The following MAML2 variants were observed in gnomAD, a reference collection of about 807,000 sequenced individuals.
The protein encoded by MAML2 is mastermind like transcriptional coactivator 2.
Under a neutral mutation model 96.1 loss-of-function variants are expected in MAML2, and 22 were observed. That is an observed-to-expected ratio of 0.23 (90% CI 0.16 to 0.33). MAML2 has a LOEUF of 0.33. Ranked by LOEUF, MAML2 falls within the 10% of genes least tolerant of loss-of-function variation. The probability of loss-of-function intolerance (pLI) is 1.00; values close to 1 mark genes in which losing one functional copy is unlikely to be tolerated. For synonymous variants in MAML2, 561 were observed against 521.3 expected (o/e 1.08, Z -1.04); for missense variants, 1,367 against 1,392.4 (o/e 0.98, Z 0.29).
At chr11:96,149,691 G>A (rs540633885) in intron 1 of MAML2, among the ~76,000 whole-genome samples, 74 of 152,228 alleles carry the variant, frequency 4.9e-4, no homozygotes, top group African/African-American at 1.7e-3. Context: ...CTGAGATCAC[G>A]CCACTGCACT....
chr11:96,247,614 AAAAC>A (rs1361547401), intron 1 of MAML2, among the ~76,000 whole-genome samples: 3 of 152,188 alleles, frequency 2.0e-5, no homozygotes, highest in Admixed American at 2.0e-4. Context: ...ATGGTGAAGA[AAAAC>A]AAACTCAGCA....
At chr11:96,308,750 A>AT (rs1863499740) in intron 1 of MAML2, among the ~76,000 whole-genome samples, 1 of 152,162 alleles carries the variant, frequency 6.6e-6, no homozygotes, top group Non-Finnish European at 1.5e-5. Context: ...AATAATGTAT[A>AT]TTTTTTAGTT....
At chr11:96,159,404 A>ATTTTTTTTT (rs1157893034) in intron 1 of MAML2, among the ~76,000 whole-genome samples, 1,213 of 61,862 alleles carry the variant, frequency 0.02, 124 homozygotes, top group African/African-American at 0.041. Context: ...TAAACCACTG[A>ATTTTTTTTT]TTCTTTTTTT....
intron 2 of MAML2, among the ~76,000 whole-genome samples, chr11:96,073,591 A>G (rs933865902): frequency 1.3e-5 from 2 of 152,118 alleles, no homozygotes; most frequent in Non-Finnish European, 2.9e-5. Context: ...AAGTGCTGGG[A>G]TTACAGGTGT....
chr11:96,193,188 G>A (rs1331150106), intron 1 of MAML2, among the ~76,000 whole-genome samples: 2 of 152,134 alleles, frequency 1.3e-5, no homozygotes, highest in Non-Finnish European at 2.9e-5. Context: ...CCAATATGGT[G>A]AAACCCCATC....
intron 1 of MAML2, among the ~76,000 whole-genome samples, chr11:96,281,977 C>T (rs565006021): frequency 5.3e-5 from 8 of 152,090 alleles, no homozygotes; most frequent in African/African-American, 9.7e-5. Flanking sequence ...AGGCCAGGCG[C>T]GGTGGCTCAT....
intron 1 of MAML2, among the ~76,000 whole-genome samples, chr11:96,168,971 G>A (rs1222425349): frequency 6.6e-6 from 1 of 152,194 alleles, no homozygotes; most frequent in Admixed American, 6.5e-5. Flanking sequence ...TACACCATAA[G>A]TTTCATGTAG....
intron 1 of MAML2, among the ~76,000 whole-genome samples, chr11:96,144,527 C>G (rs2135869783): frequency 6.6e-6 from 1 of 152,240 alleles, no homozygotes; most frequent in South Asian, 2.1e-4. Flanking sequence ...TATATAATTC[C>G]TCAGATATTT....
At chr11:96,226,227 G>A (rs543574973) in intron 1 of MAML2, among the ~76,000 whole-genome samples, 27 of 152,320 alleles carry the variant, frequency 1.8e-4, no homozygotes, top group African/African-American at 6.3e-4. Context: ...AAGAATTTGG[G>A]TGGAATTCAA....
At chr11:96,030,513 CA>C (rs1399203511) in intron 2 of MAML2, among the ~76,000 whole-genome samples, 2 of 152,160 alleles carry the variant, frequency 1.3e-5, no homozygotes, top group Non-Finnish European at 2.9e-5. Flanking sequence ...GAATATTTAA[CA>C]TATGCTTCTG....
intron 1 of MAML2, among the ~76,000 whole-genome samples, chr11:96,151,303 G>C (rs1278047019): frequency 6.6e-6 from 1 of 152,104 alleles, no homozygotes; most frequent in Non-Finnish European, 1.5e-5. Context: ...ATTTCTCCAA[G>C]GGGTGCCTCT....
intron 1 of MAML2, among the ~76,000 whole-genome samples, chr11:96,254,312 C>T (rs1249277002): frequency 6.6e-6 from 1 of 151,946 alleles, no homozygotes; most frequent in Non-Finnish European, 1.5e-5. Context: ...GAAAAACACA[C>T]TCGCTTCTAA....
intron 1 of MAML2, among the ~76,000 whole-genome samples, chr11:96,310,052 T>C (rs1335800380): frequency 1.3e-5 from 2 of 152,124 alleles, no homozygotes; most frequent in Non-Finnish European, 2.9e-5. Flanking sequence ...TGATGACATA[T>C]AGGGAGCATA....
chr11:96,217,078 T>A (rs1862061290), intron 1 of MAML2, among the ~76,000 whole-genome samples: 1 of 152,170 alleles, frequency 6.6e-6, no homozygotes, highest in Non-Finnish European at 1.5e-5. Context: ...ATGTTCGAAT[T>A]CAGTGGATGC....
At chr11:96,328,836 AAG>A (rs1333821895) in intron 1 of MAML2, among the ~76,000 whole-genome samples, 3 of 152,156 alleles carry the variant, frequency 2.0e-5, no homozygotes, top group Non-Finnish European at 4.4e-5. Flanking sequence ...ATAAGAAAAA[AAG>A]AGGCAGTGGA....
chr11:96,137,887 A>C (rs553813483), intron 1 of MAML2, among the ~76,000 whole-genome samples: 2 of 152,288 alleles, frequency 1.3e-5, no homozygotes, highest in South Asian at 4.1e-4. Context: ...AATTATATGA[A>C]AGGGTAGTCT....
intron 1 of MAML2, among the ~76,000 whole-genome samples, chr11:96,189,270 A>C (rs1026488653): frequency 1.3e-5 from 2 of 152,194 alleles, no homozygotes; most frequent in African/African-American, 4.8e-5. Context: ...GACTTCTCTG[A>C]ACAATTTTTT....
At chr11:96,337,148 T>C (rs549558652) in intron 1 of MAML2, among the ~76,000 whole-genome samples, 1 of 152,290 alleles carries the variant, frequency 6.6e-6, no homozygotes, top group East Asian at 1.9e-4. Flanking sequence ...AATTCTCCTT[T>C]TTTTTTACTT....
chr11:96,274,140 C>T (rs562772323), intron 1 of MAML2, among the ~76,000 whole-genome samples: 10 of 138,994 alleles, frequency 7.2e-5, no homozygotes, highest in East Asian at 2.2e-4. Context: ...TGGAGTGCAG[C>T]GGCGCCATCT....
Sources: allele counts gnomAD v4.1 joint callset (sites outside exome capture counted in the v4.1 genomes callset), GRCh38; gene constraint gnomAD v4.1.1; transcripts MANE v1.5; gene names NCBI Gene and HGNC (gene_info 2026-07-23, HGNC 2026-07-21).